The following ARHGEF28 variants were observed in gnomAD, a reference collection of about 807,000 sequenced individuals.
ARHGEF28 encodes Rho guanine nucleotide exchange factor 28.
ARHGEF28 carries 152 observed loss-of-function variants against 206.6 expected under a neutral mutation model. The ratio of observed to expected loss-of-function variants is 0.74; its 90% CI spans 0.64 to 0.84. ARHGEF28 has a LOEUF of 0.84. Ranked by LOEUF, ARHGEF28 falls within the 40% of genes least tolerant of loss-of-function variation. The pLI, the probability that ARHGEF28 is intolerant of heterozygous loss-of-function variation, is 0.00. For synonymous variants in ARHGEF28, 763 were observed against 776.4 expected (o/e 0.98, Z 0.29); for missense variants, 2,028 against 2,073.2 (o/e 0.98, Z 0.42).
At position 73,894,399 on chromosome 5, in the gene ARHGEF28, T is replaced by A; in HGVS notation, c.3665T>A (p.Leu1222His). 1 of 1,608,004 alleles carries A rather than the reference T, an allele frequency of 6.2e-7. No homozygotes were observed. The highest frequency in any genetic ancestry group is 8.5e-7 in the Non-Finnish European group (1 of 1,176,278). The change falls in exon 29 of 36, where the codon CTC (leucine) becomes CAC (histidine). Residue 1222 changes from leucine (L) to histidine (H), a missense_variant. By Grantham distance (99) the Leu-to-His change is moderately conservative. Coordinates refer to ENST00000513042, the MANE Select transcript of ARHGEF28 (RefSeq NM_001177693.2). ...VAKIQQCQEI[L>H]TNQDQQICAY... Reference sequence around the variant, plus strand: ...GGTAAATACTATTTCATAGAAATACTCACTAACCAAGACCAACAAATTTGT... The same window carrying A: ...GGTAAATACTATTTCATAGAAATACACACTAACCAAGACCAACAAATTTGT...
At chr5:73,837,400 G>T (rs1757710342) in intron 10 of ARHGEF28, among the ~76,000 whole-genome samples, 1 of 151,886 alleles carries the variant, frequency 6.6e-6, no homozygotes, top group Non-Finnish European at 1.5e-5. Flanking sequence ...ATAGTTTTCA[G>T]TGCATATATT....
intron 13 of ARHGEF28, among the ~76,000 whole-genome samples, chr5:73,851,909 C>T (rs1579987873): frequency 6.6e-6 from 1 of 152,074 alleles, no homozygotes; most frequent in Non-Finnish European, 1.5e-5. Context: ...CTAGTTATGC[C>T]TCTTCACTGT....
intron 2 of ARHGEF28, among the ~76,000 whole-genome samples, chr5:73,744,949 C>T (rs1004728577): frequency 6.6e-6 from 1 of 151,978 alleles, no homozygotes; most frequent in African/African-American, 2.4e-5. Context: ...CATATATACA[C>T]ACAAAAAACA....
chr5:73,899,409 C>G (rs1266392234), intron 30 of ARHGEF28: 2 of 152,182 alleles, frequency 1.3e-5, no homozygotes, highest in African/African-American at 4.8e-5. Flanking sequence ...TTGTCTGTAT[C>G]CACATCTCTC....
Position 73,873,014 on chromosome 5 carries a change from A to G in ARHGEF28, c.2582A>G (p.Glu861Gly). The change falls in exon 22 of 36, where the codon GAG (glutamate) becomes GGG (glycine). Residue 861 changes from glutamate to glycine, a missense_variant. Glu to Gly is a moderately conservative substitution (Grantham distance 98). This residue lies in a region of ARHGEF28 where 223 missense variants were observed against 289.9 expected (regional missense o/e 0.77). Coordinates refer to ENST00000513042, the MANE Select transcript of ARHGEF28 (RefSeq NM_001177693.2). ...CACATTTCAGAGCTAATGCAAACAG[A>G]GATGCATCACATCCAGACCCTGTTC... is the stretch of plus-strand genomic sequence containing the variant. ...QDVIFELMQTEMHHIQTLFIM... is the reference protein window; with the variant it reads ...QDVIFELMQTGMHHIQTLFIM... The G allele has an allele frequency of 2.5e-6, 4 of 1,613,696 alleles. No homozygotes were observed. Among genetic ancestry groups the G allele is most frequent in the Non-Finnish European group, 2.5e-6 (3 of 1,179,718 alleles).
intron 2 of ARHGEF28, among the ~76,000 whole-genome samples, chr5:73,685,136 A>G (rs1423116125): frequency 6.6e-6 from 1 of 152,170 alleles, no homozygotes; most frequent in Admixed American, 6.5e-5. Context: ...TCAAACACTC[A>G]GTTCACTCAT....
At chr5:73,685,092 C>T (rs1747372076) in intron 2 of ARHGEF28, among the ~76,000 whole-genome samples, 1 of 151,916 alleles carries the variant, frequency 6.6e-6, no homozygotes, top group South Asian at 2.1e-4. Flanking sequence ...TTTATATTTC[C>T]CTCAGTATTT....
At chr5:73,744,172 T>G (rs1751595411) in intron 2 of ARHGEF28, among the ~76,000 whole-genome samples, 1 of 152,202 alleles carries the variant, frequency 6.6e-6, no homozygotes, top group Non-Finnish European at 1.5e-5. Flanking sequence ...TGTATTTGTA[T>G]ACATGTGCAC....
chr5:73,758,324 A>G (rs10474400), intron 4 of ARHGEF28, among the ~76,000 whole-genome samples: 29,219 of 152,216 alleles, frequency 0.19, 3,333 homozygotes, highest in Non-Finnish European at 0.25. Context: ...TTTCTCACAT[A>G]TGTTTACACT....
chr5:73,778,684 T>C (rs1409966976), intron 6 of ARHGEF28, among the ~76,000 whole-genome samples: 1 of 152,230 alleles, frequency 6.6e-6, no homozygotes, highest in Non-Finnish European at 1.5e-5. Context: ...AAAGGGATTC[T>C]ATTGTATTCT....
intron 1 of ARHGEF28, among the ~76,000 whole-genome samples, chr5:73,659,249 A>C (rs533243166): frequency 6.6e-6 from 1 of 152,364 alleles, no homozygotes; most frequent in South Asian, 2.1e-4. Flanking sequence ...AACTTAAAGC[A>C]CTAGTGAACA....
At chr5:73,795,175 A>G (rs533210562) in intron 8 of ARHGEF28, among the ~76,000 whole-genome samples, 156 bp from the exon 9 acceptor site, 147 of 152,356 alleles carry the variant, frequency 9.6e-4, no homozygotes, top group African/African-American at 3.3e-3. Context: ...GTTAAATAAT[A>G]TTAAGTATAA....
At chr5:73,820,282 G>T (rs534562141) in intron 9 of ARHGEF28, among the ~76,000 whole-genome samples, 1 of 152,164 alleles carries the variant, frequency 6.6e-6, no homozygotes, top group Non-Finnish European at 1.5e-5. Context: ...TGACTGATGG[G>T]TATCTTTACG....
intron 3 of ARHGEF28, 68 bp from the exon 4 acceptor site, chr5:73,752,841 C>A: frequency 6.4e-7 from 1 of 1,561,758 alleles, no homozygotes; most frequent in Non-Finnish European, 8.7e-7. Context: ...GTGGGGCTAG[C>A]ACATTGGACC....
At chr5:73,721,326 T>G (rs1458093322) in intron 2 of ARHGEF28, among the ~76,000 whole-genome samples, 2 of 152,160 alleles carry the variant, frequency 1.3e-5, no homozygotes, top group Admixed American at 1.3e-4. Flanking sequence ...CTTCTCGCTT[T>G]TACCATCTTC....
intron 9 of ARHGEF28, chr5:73,813,606 C>T (rs1458621493): frequency 6.5e-7 from 1 of 1,535,692 alleles, no homozygotes; most frequent in Non-Finnish European, 8.7e-7. Flanking sequence ...CTGACTCCGA[C>T]TCACCTTTTA....
At chr5:73,886,196 G>A (rs890913765) in intron 25 of ARHGEF28, 92 bp downstream of exon 25, 13 of 1,464,240 alleles carry the variant, frequency 8.9e-6, no homozygotes, top group Middle Eastern at 3.7e-4. Context: ...GTTCAGAATT[G>A]CAGGCACACA....
rs1385420533 is a variant in ARHGEF28 at position 73,898,033 on chromosome 5, G to C, written c.3913G>C (p.Gly1305Arg). 2 of 1,609,994 alleles carry C rather than the reference G, an allele frequency of 1.2e-6. No individual in the cohort carries two copies. Among genetic ancestry groups the C allele is most frequent in the East Asian group, 4.5e-5 (2 of 44,778 alleles). The change falls in exon 30 of 36, where the codon GGA (glycine) becomes CGA (arginine). Residue 1305 changes from glycine to arginine, a missense_variant. Coordinates refer to ENST00000513042, the MANE Select transcript of ARHGEF28 (RefSeq NM_001177693.2). ...GAGTCAATCATGTGAGGACAGTTGT[G>C]GAGACTCTGTCTTGGCGGACACACT... ...AVSQSCEDSC[G>R]DSVLADTLSS...
intron 7 of ARHGEF28, among the ~76,000 whole-genome samples, chr5:73,789,788 T>C (rs1754363155): frequency 6.6e-6 from 1 of 152,126 alleles, no homozygotes; most frequent in Admixed American, 6.6e-5. Context: ...GCAGCTCAGA[T>C]AGATGCTGCA....
Sources: allele counts gnomAD v4.1 joint callset (sites outside exome capture counted in the v4.1 genomes callset), GRCh38; gene constraint gnomAD v4.1.1; regional missense constraint gnomAD v4.1.1; transcripts MANE v1.5; gene names NCBI Gene and HGNC (gene_info 2026-07-23, HGNC 2026-07-21).